Variants in ALK observed in about 807,000 individuals in gnomAD.
ALK encodes ALK tyrosine kinase receptor.
Under a neutral mutation model 163.1 loss-of-function variants are expected in ALK, and 74 were observed. That is an observed-to-expected ratio of 0.45 (90% CI 0.38 to 0.55). ALK has a LOEUF of 0.55. Among genes scored for constraint, ALK ranks in the 20% least tolerant of loss-of-function variants. The pLI, the probability that ALK is intolerant of heterozygous loss-of-function variation, is 0.00. For synonymous variants in ALK, 960 were observed against 843.2 expected (o/e 1.14, Z -2.40); for missense variants, 2,063 against 2,105.3 (o/e 0.98, Z 0.39).
chr2:29,449,841 G>A (rs945264164), intron 4 of ALK, among the ~76,000 whole-genome samples: 1 of 152,182 alleles, frequency 6.6e-6, no homozygotes, highest in South Asian at 2.1e-4. Context: ...AATTGTAAAA[G>A]CTCTTTACTT....
intron 4 of ALK, among the ~76,000 whole-genome samples, chr2:29,426,915 G>A (rs1412368157): frequency 6.6e-6 from 1 of 151,652 alleles, no homozygotes; most frequent in African/African-American, 2.4e-5. Context: ...GGGTGCGCCT[G>A]TAGTCCCAGC....
At chr2:29,687,937 C>A (rs1009016444) in intron 3 of ALK, among the ~76,000 whole-genome samples, 13 of 152,070 alleles carry the variant, frequency 8.5e-5, no homozygotes, top group Admixed American at 5.2e-4. Context: ...ATAAACAGCA[C>A]CAAGATAGTT....
intron 1 of ALK, among the ~76,000 whole-genome samples, chr2:29,818,789 G>A (rs1243947741): frequency 6.6e-6 from 1 of 152,250 alleles, no homozygotes; most frequent in African/African-American, 2.4e-5. Flanking sequence ...GATATCATTA[G>A]TAATATGCAG....
intron 3 of ALK, among the ~76,000 whole-genome samples, chr2:29,665,463 T>C (rs1338795337): frequency 6.6e-6 from 1 of 152,154 alleles, no homozygotes; most frequent in East Asian, 1.9e-4. Flanking sequence ...AACCATGAAC[T>C]ATCCTTACGT....
chr2:29,475,793 T>C (rs1467303524), intron 4 of ALK, among the ~76,000 whole-genome samples: 3 of 152,198 alleles, frequency 2.0e-5, no homozygotes, highest in Admixed American at 2.0e-4. Context: ...AAAGGCTCAT[T>C]CATCTCTGGG....
chr2:29,787,791 G>C (rs1328411991), intron 1 of ALK, among the ~76,000 whole-genome samples: 1 of 152,148 alleles, frequency 6.6e-6, no homozygotes, highest in African/African-American at 2.4e-5. Context: ...TGAAAATGTG[G>C]GTGGGACCAA....
intron 1 of ALK, among the ~76,000 whole-genome samples, chr2:29,845,894 G>A (rs1665829610): frequency 6.6e-6 from 1 of 152,170 alleles, no homozygotes; most frequent in African/African-American, 2.4e-5. Context: ...AAGTGTCTGT[G>A]CTCCAGTTCA....
At chr2:29,824,507 G>C (rs1279502036) in intron 1 of ALK, among the ~76,000 whole-genome samples, 1 of 152,258 alleles carries the variant, frequency 6.6e-6, no homozygotes, top group African/African-American at 2.4e-5. Context: ...AAGCCACTGA[G>C]GCAGAGCTGT....
intron 13 of ALK, among the ~76,000 whole-genome samples, chr2:29,236,631 T>C (rs1664391427): frequency 1.3e-5 from 2 of 152,106 alleles, no homozygotes; most frequent in Non-Finnish European, 2.9e-5. Context: ...GTAGCAGCAT[T>C]TGGAGGAGCT....
intron 1 of ALK, among the ~76,000 whole-genome samples, chr2:29,772,263 A>C (rs746594382): frequency 2.6e-5 from 4 of 152,246 alleles, no homozygotes; most frequent in Non-Finnish European, 4.4e-5. Context: ...ACATAATATA[A>C]TCTAAATGTA....
chr2:29,741,490 G>A (rs776553197), intron 1 of ALK, among the ~76,000 whole-genome samples: 8 of 152,152 alleles, frequency 5.3e-5, no homozygotes, highest in Non-Finnish European at 8.8e-5. Context: ...AAAACATAAC[G>A]TGTGTTAAAA....
intron 3 of ALK, among the ~76,000 whole-genome samples, chr2:29,568,975 A>G (rs6547949): frequency 0.53 from 79,424 of 150,740 alleles, 21,510 homozygotes; most frequent in East Asian, 0.75. Context: ...TGGGTGGGAC[A>G]GGGCGGGGGA....
intron 3 of ALK, among the ~76,000 whole-genome samples, chr2:29,636,376 G>T (rs1355850285): frequency 6.6e-6 from 1 of 150,414 alleles, no homozygotes; most frequent in Non-Finnish European, 1.5e-5. Context: ...GAAAAGAAAA[G>T]AAAAGAAAGA....
Position 29,694,928 on chromosome 2 carries a change from G to C in ALK, c.874C>G (p.Arg292Gly), listed in dbSNP as rs201750304. 4 of 1,614,000 alleles carry C rather than the reference G, an allele frequency of 2.5e-6. No homozygotes were observed. In the African/African-American group the frequency reaches 5.3e-5, roughly 22 times the overall value. ...DLRNQSWSWRRIPSEEASQMD... is the reference protein window; with the variant it reads ...DLRNQSWSWRGIPSEEASQMD... ...TGGGAGGCCTCCTCGGAGGGGATGCGGCGCCAGGACCAGCTCTGGTTCCTG... is the reference window on the plus strand; with the variant it reads ...TGGGAGGCCTCCTCGGAGGGGATGCCGCGCCAGGACCAGCTCTGGTTCCTG... Residue 292 changes from arginine to glycine, a missense_variant, in exon 3 of 29, where the codon CGC becomes GGC. Around this residue, in one of 5 missense-constraint regions of ALK, gnomAD observed 987 missense variants for 939.5 expected, o/e 1.05. Coordinates refer to ENST00000389048, the MANE Select transcript of ALK (RefSeq NM_004304.5).
chr2:29,453,672 T>C (rs1052415355), intron 4 of ALK, among the ~76,000 whole-genome samples: 1 of 151,352 alleles, frequency 6.6e-6, no homozygotes, highest in African/African-American at 2.4e-5. Context: ...AGACTGAGAA[T>C]GAAGAAGGAA....
rs1664323451 is a variant in ALK at position 29,234,776 on chromosome 2, T to C, written c.2356-1080A>G. On this transcript the variant is annotated intron_variant, in intron 13 of 28. Coordinates refer to ENST00000389048, the MANE Select transcript of ALK (RefSeq NM_004304.5). ...TAAATGGCTGCTGTTCTTATCTGTTTGTTTTTGCCATCTTACTCCGTGCAA... is the reference window on the plus strand; with the variant it reads ...TAAATGGCTGCTGTTCTTATCTGTTCGTTTTTGCCATCTTACTCCGTGCAA... 1.3e-5 allele frequency among the ~76,000 whole-genome samples: 2 copies of C among 152,228 alleles called. 1 individual carries two copies. The highest frequency in any genetic ancestry group is 4.1e-4 in the South Asian group (2 of 4,826).
chr2:29,878,742 C>T (rs372400761), intron 1 of ALK, among the ~76,000 whole-genome samples: 3 of 152,134 alleles, frequency 2.0e-5, no homozygotes, highest in South Asian at 2.1e-4. Context: ...GAGGTTCAGC[C>T]AGTGCAGTGA....
intron 3 of ALK, among the ~76,000 whole-genome samples, chr2:29,691,632 T>C (rs1373645500): frequency 6.6e-6 from 1 of 152,218 alleles, no homozygotes; most frequent in African/African-American, 2.4e-5. Context: ...GGCATTGATA[T>C]GTTTCCATGC....
intron 3 of ALK, among the ~76,000 whole-genome samples, chr2:29,672,300 A>G (rs2148271354): frequency 6.6e-6 from 1 of 151,516 alleles, no homozygotes; most frequent in South Asian, 2.1e-4. Context: ...AGCATTAGGT[A>G]TATCTCCCAA....
Sources: allele counts gnomAD v4.1 joint callset (sites outside exome capture counted in the v4.1 genomes callset), GRCh38; gene constraint gnomAD v4.1.1; regional missense constraint gnomAD v4.1.1; transcripts MANE v1.5; gene names NCBI Gene and HGNC (gene_info 2026-07-23, HGNC 2026-07-21).